DOCK10: variants seen among roughly 807,000 people sequenced by gnomAD.
The protein encoded by DOCK10 is dedicator of cytokinesis 10.
DOCK10 carries 145 observed loss-of-function variants against 280.1 expected under a neutral mutation model. The ratio of observed to expected loss-of-function variants is 0.52; its 90% CI spans 0.45 to 0.59. DOCK10 has a LOEUF of 0.59. DOCK10 is among the 20% of genes least tolerant of loss of function. The probability of loss-of-function intolerance (pLI) is 0.00; values close to 1 mark genes in which losing one functional copy is unlikely to be tolerated. For synonymous variants in DOCK10, 915 were observed against 942.2 expected (o/e 0.97, Z 0.53); for missense variants, 2,368 against 2,651.7 (o/e 0.89, Z 2.35).
chr2:224,960,429 A>C (rs977037066), intron 1 of DOCK10, among the ~76,000 whole-genome samples: 1 of 152,190 alleles, frequency 6.6e-6, no homozygotes, highest in Non-Finnish European at 1.5e-5. Context: ...AAAATAACTT[A>C]TTTGTCTTTA....
rs1699246464 is a variant in DOCK10, at chr2:224,885,855, TA to T, written c.613-51del. ...AGATATTCAAATTGTAATGTGCTAT[TA>T]CTCATAGAAATTAGAATTATTCTAA... On this transcript the variant is annotated intron_variant, in intron 6 of 55. Transcript: ENST00000258390. 1.9e-6 allele frequency: 3 copies of T among 1,580,804 alleles called. No homozygotes were observed. The African/African-American group carries it at 4.1e-5, about 22-fold the overall frequency.
In DOCK10 at chr2:225,035,587, T is replaced by TATAA. The variant is rs1553634969; in HGVS notation, c.123+6664_123+6665insTTAT. ...ATATATATATATATATATATATATA[T>TATAA]AACACTGAATCAGTGTTAATTGTGT... On this transcript the variant is annotated intron_variant, in intron 1 of 55. Coordinates refer to ENST00000258390, the MANE Select transcript of DOCK10 (RefSeq NM_014689.3). Among the ~76,000 whole-genome samples, 43 of 111,224 alleles carry TATAA rather than the reference T, an allele frequency of 3.9e-4. 1 individual carries two copies. The highest frequency in any genetic ancestry group is 1.6e-3 in the African/African-American group (34 of 21,562). 73.0% of individuals were successfully genotyped at this position (111,224 alleles called of 152,430 possible).
chr2:225,001,090 A>G (rs16866441), intron 1 of DOCK10, among the ~76,000 whole-genome samples: 11,077 of 152,286 alleles, frequency 0.073, 598 homozygotes, highest in African/African-American at 0.15. Context: ...TGGGATGCCA[A>G]ACATTATTAT....
At position 224,855,082 on chromosome 2, in the gene DOCK10, C is replaced by CACAA. The variant is rs752274608; in HGVS notation, c.1809-41_1809-40insTTGT. 3.2e-5 allele frequency: 36 copies of CACAA among 1,142,090 alleles called. No individual in the cohort carries two copies. In the African/African-American group the frequency reaches 4.1e-4, roughly 13 times the overall value. 70.7% of individuals were successfully genotyped at this position (1,142,090 alleles called of 1,614,324 possible). ...GAGCAAGGACACACACACACACACACACACACACACACACACACAGAGTAT... is the reference window on the plus strand; with the variant it reads ...GAGCAAGGACACACACACACACACACACAAACACACACACACACACACAGAGTAT... On this transcript the variant is annotated intron_variant, in intron 15 of 55. Transcript: ENST00000258390.
chr2:224,910,925 A>C (rs11903806), intron 3 of DOCK10, among the ~76,000 whole-genome samples: 7 of 151,786 alleles, frequency 4.6e-5, no homozygotes, highest in Non-Finnish European at 1.0e-4. Context: ...ACACAGAAAA[A>C]TTAGCAGGGA....
intron 2 of DOCK10, among the ~76,000 whole-genome samples, chr2:224,922,043 C>T (rs748897917): frequency 1.3e-5 from 2 of 149,336 alleles, no homozygotes; most frequent in Non-Finnish European, 3.0e-5. Flanking sequence ...CGCTTGAACC[C>T]GGGTGGCGGA....
chr2:224,959,403 A>C (rs542613528), intron 1 of DOCK10, among the ~76,000 whole-genome samples: 1 of 151,886 alleles, frequency 6.6e-6, no homozygotes, highest in African/African-American at 2.4e-5. Flanking sequence ...GTAAACCTAC[A>C]ACCGGACCCC....
chr2:225,022,797 C>T (rs1265902603), intron 1 of DOCK10, among the ~76,000 whole-genome samples: 2 of 152,126 alleles, frequency 1.3e-5, no homozygotes, highest in Non-Finnish European at 2.9e-5. Context: ...TCTTTTGTCC[C>T]TAGATTTGGG....
At chr2:224,991,783 T>C (rs1486851754) in intron 1 of DOCK10, among the ~76,000 whole-genome samples, 2 of 152,086 alleles carry the variant, frequency 1.3e-5, no homozygotes, top group Non-Finnish European at 2.9e-5. Flanking sequence ...AAAAAATCAA[T>C]ATACACAGTA....
At chr2:224,890,630 G>A (rs911499220) in intron 4 of DOCK10, among the ~76,000 whole-genome samples, 3 of 152,186 alleles carry the variant, frequency 2.0e-5, no homozygotes, top group Non-Finnish European at 4.4e-5. Context: ...CTACTGATAC[G>A]TGCAACAACG....
intron 1 of DOCK10, among the ~76,000 whole-genome samples, chr2:224,940,999 A>G (rs746526669): frequency 6.6e-6 from 1 of 152,204 alleles, no homozygotes; most frequent in Non-Finnish European, 1.5e-5. Context: ...TCTTGTAGAA[A>G]TAACAGTCAC....
At chr2:224,949,362 C>T (rs149190848) in intron 1 of DOCK10, among the ~76,000 whole-genome samples, 2 of 152,276 alleles carry the variant, frequency 1.3e-5, no homozygotes, top group East Asian at 1.9e-4. Context: ...CAAGGAGATG[C>T]CTCCAAGTTC....
chr2:224,787,851 G>A (rs1352566192), intron 48 of DOCK10, among the ~76,000 whole-genome samples: 1 of 152,066 alleles, frequency 6.6e-6, no homozygotes. Context: ...TCCACAATCA[G>A]GCACCAACCT....
Position 224,793,015 on chromosome 2 carries a change from G to C in DOCK10, c.5270C>G (p.Pro1757Arg), listed in dbSNP as rs770065045. ...TGTTAGTAATGAGTTGCTATCACAG[G>C]GGTGGGTATCCTCCGAGAGCAGGGA... ...TASLLSEDTH[P>R]CDSNSLLTTP... Residue 1757 changes from proline to arginine, a missense_variant, in exon 47 of 56, where the codon CCC becomes CGC. Transcript: ENST00000258390. 1.4e-5 allele frequency: 22 copies of C among 1,613,730 alleles called. No homozygotes were observed. The highest frequency in any genetic ancestry group is 1.8e-5 in the Non-Finnish European group (21 of 1,179,740).
intron 2 of DOCK10, among the ~76,000 whole-genome samples, chr2:224,919,014 T>G (rs111209755): frequency 6.9e-6 from 1 of 144,712 alleles, no homozygotes; most frequent in African/African-American, 2.6e-5. Context: ...GTGTGATGTA[T>G]ATACGCACAG....
rs1208776389 is a variant in DOCK10 at position 224,786,558 on chromosome 2, T to G, written c.5655+464A>C. Among the ~76,000 whole-genome samples, 1 of 152,086 alleles carries G rather than the reference T, an allele frequency of 6.6e-6. No individual in the cohort carries two copies. The highest frequency in any genetic ancestry group is 2.4e-5 in the African/African-American group (1 of 41,410). ...CATCTGGTATTTTGTCTAGAAACAG[T>G]GGTAGTTCGAAAATAGGAGAAAAGA... is the stretch of plus-strand genomic sequence containing the variant. On this transcript the variant is annotated intron_variant, in intron 50 of 55. Transcript: ENST00000258390. The surrounding 1 kb of genome is among the most constrained non-coding windows in gnomAD (Gnocchi z 4.7).
chr2:224,929,167 T>C (rs990714753), intron 2 of DOCK10, among the ~76,000 whole-genome samples: 1 of 152,242 alleles, frequency 6.6e-6, no homozygotes, highest in African/African-American at 2.4e-5. Context: ...ATTTTCCTCA[T>C]AGAATTGGTC....
intron 2 of DOCK10, among the ~76,000 whole-genome samples, chr2:224,917,759 A>G (rs149454065): frequency 3.2e-4 from 48 of 152,316 alleles, no homozygotes; most frequent in African/African-American, 1.1e-3. Context: ...AATTTCATAG[A>G]TTATTGCCTC....
Position 224,797,915 on chromosome 2 carries a change from T to C in DOCK10, c.4561A>G (p.Thr1521Ala). ...TTGACTTGGAAAAAGAGCATGTAGG[T>C]ATCAAAGACCCTTTTCATCAATGAA... ...QNSLMKRVFDTYMLFFQVNQS... is the reference protein window; with the variant it reads ...QNSLMKRVFDAYMLFFQVNQS... The change falls in exon 42 of 56, where the codon ACC becomes GCC. Residue 1521 changes from threonine to alanine, a missense_variant. This residue lies in a region of DOCK10 where 1,159 missense variants were observed against 1,400.8 expected (regional missense o/e 0.83). Transcript: ENST00000258390. The C allele has an allele frequency of 6.2e-6, 10 of 1,613,856 alleles. No homozygotes were observed. The highest frequency in any genetic ancestry group is 7.6e-6 in the Non-Finnish European group (9 of 1,179,764).
Sources: allele counts gnomAD v4.1 joint callset (sites outside exome capture counted in the v4.1 genomes callset), GRCh38; gene constraint gnomAD v4.1.1; regional missense constraint gnomAD v4.1.1; non-coding constraint Gnocchi (gnomAD v3.1); transcripts MANE v1.5; gene names NCBI Gene and HGNC (gene_info 2026-07-23, HGNC 2026-07-21).